The following ENOX1 variants were observed in gnomAD, a reference collection of about 807,000 sequenced individuals.
ENOX1 encodes the protein candidate growth-related and time keeping constitutive hydroquinone (NADH) oxidase.
ENOX1 carries 42 observed loss-of-function variants against 82.5 expected under a neutral mutation model. That is an observed-to-expected ratio of 0.51 (90% CI 0.40 to 0.66). The LOEUF (loss-of-function observed/expected upper bound fraction) is 0.66. Among genes scored for constraint, ENOX1 ranks in the 30% least tolerant of loss-of-function variants. ENOX1 has a pLI of 0.00. For synonymous variants in ENOX1, 271 were observed against 282.2 expected, an observed-to-expected ratio of 0.96 and a Z score of 0.40; for missense variants, 608 against 811.6, an observed-to-expected ratio of 0.75 and a Z score of 3.05.
At chr13:43,511,226 T>A (rs770264601) in intron 2 of ENOX1, among the ~76,000 whole-genome samples, 5 of 152,160 alleles carry the variant, frequency 3.3e-5, no homozygotes, top group Non-Finnish European at 7.4e-5. Context: ...TTGCTAAATG[T>A]GTTTTCTCTT....
intron 14 of ENOX1, among the ~76,000 whole-genome samples, chr13:43,254,610 A>T (rs9567136): frequency 0.055 from 8,317 of 152,310 alleles, 301 homozygotes; most frequent in East Asian, 0.13. Flanking sequence ...CCATGAGAAC[A>T]AAAATAAGAT....
At chr13:43,494,036 G>A (rs1436413367) in intron 2 of ENOX1, among the ~76,000 whole-genome samples, 3 of 152,096 alleles carry the variant, frequency 2.0e-5, no homozygotes, top group South Asian at 2.1e-4. Flanking sequence ...ATCAGATCTC[G>A]TGAGAACTCA....
In ENOX1 at chr13:43,305,395, CTAT is replaced by C. The variant is rs1285566881; in HGVS notation, c.1262-6868_1262-6866del. On this transcript the variant is annotated intron_variant, in intron 11 of 16. Coordinates refer to ENST00000690772, the MANE Select transcript of ENOX1 (RefSeq NM_001347969.2). ...GTGTGTATTCGAATCTGCACATTAG[CTAT>C]TATTAGGGAAAGCTAAACAGAAGCA... Among the ~76,000 whole-genome samples, 70 of 152,232 alleles carry C rather than the reference CTAT, an allele frequency of 4.6e-4. 1 individual carries two copies. Among genetic ancestry groups the C allele is most frequent in the African/African-American group, 1.7e-3 (69 of 41,538 alleles).
intron 14 of ENOX1, among the ~76,000 whole-genome samples, chr13:43,255,209 T>C (rs942306558): frequency 2.6e-5 from 4 of 152,172 alleles, no homozygotes; most frequent in South Asian, 2.1e-4. Context: ...GATGATTTCA[T>C]AGATGGTGAA....
At chr13:43,354,425 T>C (rs2050011265) in intron 8 of ENOX1, among the ~76,000 whole-genome samples, 1 of 151,330 alleles carries the variant, frequency 6.6e-6, no homozygotes, top group South Asian at 2.1e-4. Flanking sequence ...TCTCAAGCCC[T>C]GGATGGGGGA....
At chr13:43,669,684 T>A (rs2085160955) in intron 1 of ENOX1, among the ~76,000 whole-genome samples, 3 of 152,148 alleles carry the variant, frequency 2.0e-5, no homozygotes, top group Admixed American at 2.0e-4. Context: ...ATCCCTGTTA[T>A]CAGTACATAA....
intron 9 of ENOX1, among the ~76,000 whole-genome samples, chr13:43,329,463 G>C (rs962209735): frequency 9.2e-5 from 14 of 152,116 alleles, no homozygotes; most frequent in Non-Finnish European, 1.5e-5. Context: ...AGCATCGGTG[G>C]AGGGCTGAGA....
At chr13:43,472,399 C>A (rs961260465) in intron 3 of ENOX1, among the ~76,000 whole-genome samples, 1 of 152,100 alleles carries the variant, frequency 6.6e-6, no homozygotes, top group Non-Finnish European at 1.5e-5. Context: ...ATTTATTAGG[C>A]TCCCTAAGTG....
intron 1 of ENOX1, among the ~76,000 whole-genome samples, chr13:43,762,256 A>G (rs1951028124): frequency 6.6e-6 from 1 of 152,136 alleles, no homozygotes; most frequent in South Asian, 2.1e-4. Context: ...CTAAGCAAAC[A>G]TCTCCCTCCA....
chr13:43,772,230 G>C (rs576981116), intron 1 of ENOX1, among the ~76,000 whole-genome samples: 1 of 152,180 alleles, frequency 6.6e-6, no homozygotes, highest in Non-Finnish European at 1.5e-5. Context: ...ATTATTCACA[G>C]TCAGACACTA....
At chr13:43,721,530 C>T (rs1411753708) in intron 1 of ENOX1, among the ~76,000 whole-genome samples, 1 of 150,592 alleles carries the variant, frequency 6.6e-6, no homozygotes, top group Non-Finnish European at 1.5e-5. Flanking sequence ...AGGCGCCCGC[C>T]ACTACGCCCG....
At chr13:43,432,330 T>C (rs778904400) in intron 3 of ENOX1, among the ~76,000 whole-genome samples, 18 of 152,136 alleles carry the variant, frequency 1.2e-4, no homozygotes, top group Non-Finnish European at 2.5e-4. Flanking sequence ...GAAGTTATGA[T>C]TTTTCTGGAC....
At chr13:43,480,537 G>A (rs1244893576) in intron 3 of ENOX1, among the ~76,000 whole-genome samples, 1 of 152,134 alleles carries the variant, frequency 6.6e-6, no homozygotes, top group South Asian at 2.1e-4. Context: ...ATGATACAGG[G>A]GAAGTCTGAC....
In ENOX1 at chr13:43,645,481, A is replaced by T. The variant is rs567729412; in HGVS notation, c.-219+21998T>A. ...GCCACAGAAGTCTTTAATAAGATTC[A>T]ATTGGCATCATCCATTGTCAAAGTA... is the stretch of plus-strand genomic sequence containing the variant. On this transcript the variant is annotated intron_variant, in intron 2 of 16. Transcript: ENST00000690772. Among the ~76,000 whole-genome samples the T allele has an allele frequency of 6.2e-4, 94 of 152,142 alleles. 1 individual carries two copies. The highest frequency in any genetic ancestry group is 9.3e-4 in the Non-Finnish European group (63 of 68,030).
At chr13:43,328,538 C>T (rs1357185921) in intron 9 of ENOX1, among the ~76,000 whole-genome samples, 1 of 152,028 alleles carries the variant, frequency 6.6e-6, no homozygotes, top group Admixed American at 6.5e-5. Context: ...TCAGAGAAGG[C>T]TGTTAATAAA....
chr13:43,753,466 G>T (rs904678270), intron 1 of ENOX1, among the ~76,000 whole-genome samples: 1 of 152,002 alleles, frequency 6.6e-6, no homozygotes, highest in African/African-American at 2.4e-5. Context: ...ACTGTTCATT[G>T]CTGGTATATA....
intron 3 of ENOX1, among the ~76,000 whole-genome samples, chr13:43,452,993 G>A: frequency 6.6e-6 from 1 of 152,202 alleles, no homozygotes; most frequent in East Asian, 1.9e-4. Context: ...TATAAAGCCT[G>A]ATTAAATAGA....
intron 3 of ENOX1, among the ~76,000 whole-genome samples, chr13:43,437,034 G>A (rs1195463500): frequency 6.6e-6 from 1 of 152,166 alleles, no homozygotes; most frequent in African/African-American, 2.4e-5. Context: ...GAAGAATGCT[G>A]AAGAGGCCTA....
intron 2 of ENOX1, among the ~76,000 whole-genome samples, chr13:43,566,290 G>A (rs566141370): frequency 6.6e-6 from 1 of 152,026 alleles, no homozygotes; most frequent in African/African-American, 2.4e-5. Flanking sequence ...TCTCTATGCA[G>A]TCATATTGCT....
Sources: gnomAD v4.1 joint callset for allele counts (sites outside exome capture counted in the v4.1 genomes callset) on GRCh38, gnomAD v4.1.1 for gene constraint, MANE v1.5 for transcripts, NCBI Gene and HGNC (gene_info 2026-07-23, HGNC 2026-07-21) for gene names.